RHBDD1: variants seen among roughly 807,000 people sequenced by gnomAD.
RHBDD1 encodes rhomboid domain containing 1.
A neutral mutation model predicts 36.3 loss-of-function variants in RHBDD1; 38 were observed. The ratio of observed to expected loss-of-function variants is 1.05; its 90% CI spans 0.81 to 1.37. RHBDD1 has a LOEUF of 1.37. Ranked by LOEUF, RHBDD1 falls within the 40% of genes most tolerant of loss-of-function variation. The pLI is 0.00. For missense variants in RHBDD1, 393 were observed against 377.6 expected (o/e 1.04, Z -0.34); for synonymous variants, 151 against 136.5 (o/e 1.11, Z -0.74).
At chr2:226,979,480 A>T (rs919322277) in intron 8 of RHBDD1, among the ~76,000 whole-genome samples, 14 of 151,824 alleles carry the variant, frequency 9.2e-5, no homozygotes, top group Non-Finnish European at 1.9e-4. Context: ...ACTTCCCGAG[A>T]CCCCACCCCA....
intron 8 of RHBDD1, among the ~76,000 whole-genome samples, chr2:226,987,492 G>A (rs1957247912): frequency 6.6e-6 from 1 of 152,226 alleles, no homozygotes. Context: ...CTCCAGAGAA[G>A]CTGCTCAGGC....
At chr2:226,829,891 T>C in the RHBDD1 span, among the ~76,000 whole-genome samples, 3 of 152,132 alleles carry the variant, frequency 2.0e-5, no homozygotes, top group South Asian at 6.2e-4. Context: ...ACAACATAAG[T>C]GATGACAGCA....
intron 8 of RHBDD1, among the ~76,000 whole-genome samples, chr2:226,959,436 A>G (rs967679220): frequency 6.6e-6 from 1 of 152,084 alleles, no homozygotes; most frequent in Admixed American, 6.6e-5. Flanking sequence ...CTTATCCCCT[A>G]CCAGCCACTG....
At chr2:226,816,390 A>AG in the RHBDD1 span, among the ~76,000 whole-genome samples, 50 of 149,508 alleles carry the variant, frequency 3.3e-4, 1 homozygote, top group South Asian at 0.01. Flanking sequence ...AAAAAAAAAA[A>AG]AAAAAAGAAA....
intron 8 of RHBDD1, among the ~76,000 whole-genome samples, chr2:226,963,500 C>T (rs1043871598): frequency 1.3e-5 from 2 of 152,140 alleles, no homozygotes; most frequent in Admixed American, 6.5e-5. Flanking sequence ...TGACTACTCG[C>T]GGGTGACCCC....
chr2:226,830,765 T>G (rs1308015764), upstream of RHBDD1, among the ~76,000 whole-genome samples: 1 of 152,222 alleles, frequency 6.6e-6, no homozygotes, highest in African/African-American at 2.4e-5. Context: ...CTTGAACTAC[T>G]GAGCTCAAGT....
At chr2:226,929,429 AG>A (rs1345493978) in intron 8 of RHBDD1, among the ~76,000 whole-genome samples, 4 of 152,122 alleles carry the variant, frequency 2.6e-5, no homozygotes, top group Non-Finnish European at 5.9e-5. Flanking sequence ...ATGCATAAAA[AG>A]CATTTGCTAA....
At chr2:226,937,498 C>T (rs1950405932) in intron 8 of RHBDD1, among the ~76,000 whole-genome samples, 2 of 151,826 alleles carry the variant, frequency 1.3e-5, no homozygotes, top group African/African-American at 4.8e-5. Context: ...AATATGTAAA[C>T]GTGTGTCATG....
intron 5 of RHBDD1, among the ~76,000 whole-genome samples, chr2:226,905,696 T>C (rs1336540925): frequency 1.3e-5 from 2 of 152,224 alleles, no homozygotes; most frequent in Non-Finnish European, 2.9e-5. Flanking sequence ...TCATTTATTT[T>C]ATTCATTCAA....
chr2:226,909,250 G>T lies in RHBDD1; in HGVS notation c.712+372G>T, dbSNP rs1948331813. Among the ~76,000 whole-genome samples, 4 of 152,088 alleles carry T rather than the reference G, an allele frequency of 2.6e-5. No homozygotes were observed. In the South Asian group the frequency reaches 8.3e-4, roughly 32 times the overall value. On this transcript the variant is annotated intron_variant, in intron 7 of 8. Transcript: ENST00000392062. The stretch of plus-strand genomic sequence containing the variant: ...TATAGTTCTCCATGGCCCATCCTGT[G>T]TATATTCAGGAACCCTTGCATACCG...
intron 8 of RHBDD1, among the ~76,000 whole-genome samples, chr2:226,987,126 A>G (rs530467891): frequency 4.6e-5 from 7 of 152,328 alleles, no homozygotes; most frequent in South Asian, 2.1e-4. Context: ...GAGTTGAACA[A>G]TGAGAACACA....
At chr2:226,828,114 A>G in the RHBDD1 span, among the ~76,000 whole-genome samples, 1 of 152,202 alleles carries the variant, frequency 6.6e-6, no homozygotes, top group Admixed American at 6.5e-5. Context: ...ATGCTAATTT[A>G]GAGCTAACCT....
At chr2:226,904,478 C>T (rs1191912619) in intron 5 of RHBDD1, among the ~76,000 whole-genome samples, 1 of 150,770 alleles carries the variant, frequency 6.6e-6, no homozygotes, top group Non-Finnish European at 1.5e-5. Context: ...ATAATGCTCT[C>T]CTGAGGGGAT....
chr2:226,906,209 A>G (rs547882279), intron 5 of RHBDD1, among the ~76,000 whole-genome samples: 2 of 152,318 alleles, frequency 1.3e-5, no homozygotes, highest in African/African-American at 2.4e-5. Flanking sequence ...CTCATCTTTC[A>G]AGTTTGAAAT....
At chr2:226,866,066 T>G (rs756115479) in intron 4 of RHBDD1, among the ~76,000 whole-genome samples, 1 of 151,586 alleles carries the variant, frequency 6.6e-6, no homozygotes, top group Non-Finnish European at 1.5e-5. Context: ...TTTATTTTAT[T>G]TTATTATTTA....
chr2:226,887,418 A>G (rs1946319398), intron 5 of RHBDD1, among the ~76,000 whole-genome samples: 1 of 152,198 alleles, frequency 6.6e-6, no homozygotes, highest in Non-Finnish European at 1.5e-5. Flanking sequence ...TTTTTGAGGG[A>G]GAATTCCTCA....
rs1474155321 is a variant in RHBDD1 at position 226,899,373 on chromosome 2, ACCC to A, written c.567-7419_567-7417del. 2.1e-3 allele frequency among the ~76,000 whole-genome samples: 315 copies of A among 152,294 alleles called. 4 individuals carry two copies. Among genetic ancestry groups the A allele is most frequent in the African/African-American group, 7.3e-3 (302 of 41,572 alleles). ...GTATAGCAACATTGATTTGATTGTA[ACCC>A]TTTCATATTTTATTAAAATTTTTTT... On this transcript the variant is annotated intron_variant, in intron 5 of 8. Coordinates refer to ENST00000392062, the MANE Select transcript of RHBDD1 (RefSeq NM_001167608.3).
chr2:226,875,693 C>T (rs1945173326), intron 5 of RHBDD1, among the ~76,000 whole-genome samples: 1 of 151,182 alleles, frequency 6.6e-6, no homozygotes. Context: ...AGATAGACTG[C>T]TCTTTGTTTT....
chr2:226,874,623 C>T (rs567396892), intron 5 of RHBDD1, among the ~76,000 whole-genome samples: 3 of 152,298 alleles, frequency 2.0e-5, no homozygotes, highest in South Asian at 2.1e-4. Flanking sequence ...AAATATCCCT[C>T]GTCTCTTTCT....
Sources: gnomAD v4.1 joint callset for allele counts (sites outside exome capture counted in the v4.1 genomes callset) on GRCh38, gnomAD v4.1.1 for gene constraint, MANE v1.5 for transcripts, NCBI Gene and HGNC (gene_info 2026-07-23, HGNC 2026-07-21) for gene names.